The following MCF2L variants were observed in gnomAD, a reference collection of about 807,000 sequenced individuals.
The protein encoded by MCF2L is guanine nucleotide exchange factor DBS.
A neutral mutation model predicts 153.4 loss-of-function variants in MCF2L; 97 were observed. The ratio of observed to expected loss-of-function variants is 0.63; its 90% CI spans 0.54 to 0.75. MCF2L has a LOEUF of 0.75. Ranked by LOEUF, MCF2L falls within the 30% of genes least tolerant of loss-of-function variation. The pLI, the probability that MCF2L is intolerant of heterozygous loss-of-function variation, is 0.00. For missense variants in MCF2L, 1,347 were observed against 1,495.2 expected (o/e 0.90, Z 1.64); for synonymous variants, 659 against 632.2 (o/e 1.04, Z -0.64).
chr13:113,078,554 A>C, intron 14 of MCF2L, 112 bp from the exon 15 acceptor site: 1 of 1,381,024 alleles, frequency 7.2e-7, no homozygotes, highest in African/African-American at 1.4e-5. Context: ...CCAGCTCCCC[A>C]TCGTGGGAAT....
rs375416086 is a variant in MCF2L, at chr13:112,912,901, T to C, written c.169+10530T>C. Among the ~76,000 whole-genome samples the C allele has an allele frequency of 3.2e-3, 478 of 151,152 alleles. 1 individual carries two copies. Among genetic ancestry groups the C allele is most frequent in the South Asian group, 5.5e-3 (26 of 4,754 alleles). On this transcript the variant is annotated intron_variant, in intron 2 of 29. Transcript: ENST00000375608. Reference sequence around the variant, plus strand: ...TGTGTGATTGTGTGTGTGTCTGTGGTGTATCTCTGTGTATGTATGGGGTGT... The same window carrying C: ...TGTGTGATTGTGTGTGTGTCTGTGGCGTATCTCTGTGTATGTATGGGGTGT...
chr13:113,082,749 G>A (rs1490684549), intron 17 of MCF2L, among the ~76,000 whole-genome samples: 1 of 152,206 alleles, frequency 6.6e-6, no homozygotes, highest in African/African-American at 2.4e-5. Flanking sequence ...CTGGTGGCCT[G>A]TGTCTAGGCA....
intron 8 of MCF2L, 87 bp downstream of exon 8, chr13:113,066,257 G>T: frequency 6.9e-7 from 1 of 1,449,024 alleles, no homozygotes; most frequent in Admixed American, 2.3e-5. Flanking sequence ...AAAGAAACAG[G>T]CCACGGAAAT....
At position 112,943,733 on chromosome 13, in the gene MCF2L, C is replaced by T. The variant is rs1194525968; in HGVS notation, c.169+41362C>T. Among the ~76,000 whole-genome samples the T allele has an allele frequency of 2.0e-5, 3 of 151,998 alleles. No individual in the cohort carries two copies. Among genetic ancestry groups the T allele is most frequent in the Non-Finnish European group, 2.9e-5 (2 of 67,978 alleles). On this transcript the variant is annotated intron_variant, in intron 2 of 29. Transcript: ENST00000375608. The surrounding 1 kb of genome is among the most constrained non-coding windows in gnomAD (Gnocchi z 4.2). ...CACCGCCGGGAGCCCGAGCAGCCTG[C>T]GGTGGCTCGGCTCGGGCCGGCGGAG...
intron 1 of MCF2L, chr13:112,979,605 G>A (rs1032841768): frequency 1.2e-6 from 2 of 1,606,594 alleles, no homozygotes; most frequent in Admixed American, 1.7e-5. Context: ...GTCGCCTGTG[G>A]TCCCTGCGTG....
chr13:112,981,521 T>C (rs551011439), intron 1 of MCF2L, among the ~76,000 whole-genome samples: 17 of 152,288 alleles, frequency 1.1e-4, no homozygotes, highest in South Asian at 2.1e-4. Flanking sequence ...TGTAAGGAAG[T>C]GTGCACCGAG....
intron 1 of MCF2L, among the ~76,000 whole-genome samples, chr13:112,971,373 G>C (rs762725298): frequency 6.6e-6 from 1 of 152,200 alleles, no homozygotes; most frequent in African/African-American, 2.4e-5. Flanking sequence ...GCTAGGATCC[G>C]TGCCAGGTAA....
chr13:112,928,034 C>G (rs1031780623), intron 2 of MCF2L, among the ~76,000 whole-genome samples: 2 of 152,152 alleles, frequency 1.3e-5, no homozygotes, highest in Non-Finnish European at 2.9e-5. Flanking sequence ...ATATTTAATT[C>G]TGAATAATTA....
chr13:112,925,818 A>G (rs917825975), intron 2 of MCF2L, among the ~76,000 whole-genome samples: 6 of 152,336 alleles, frequency 3.9e-5, no homozygotes, highest in African/African-American at 1.2e-4. Flanking sequence ...AAAACCACAC[A>G]AGAAAGCATT....
At chr13:113,006,470 C>T (rs914970527) in intron 1 of MCF2L, among the ~76,000 whole-genome samples, 6 of 152,178 alleles carry the variant, frequency 3.9e-5, no homozygotes, top group African/African-American at 1.4e-4. Flanking sequence ...ATCTGAACCC[C>T]GAGGGGGTCT....
rs534099851 is a variant in MCF2L at position 113,090,180 on chromosome 13, C to A, written c.2953+452C>A. 9 of 1,519,422 alleles carry A rather than the reference C, an allele frequency of 5.9e-6. No individual in the cohort carries two copies. In the East Asian group the frequency reaches 2.1e-4, roughly 35 times the overall value. 94.1% of individuals were successfully genotyped at this position (1,519,422 alleles called of 1,614,324 possible). ...AGAAAGGTAAAAGTAGTGCCTGCCC[C>A]AAACCCACCCTCACCGTGGTGGCGT... On this transcript the variant is annotated intron_variant, in intron 26 of 29. Coordinates refer to ENST00000535094, the MANE Select transcript of MCF2L (RefSeq NM_001112732.3).
At position 113,091,412 on chromosome 13, in the gene MCF2L, C is replaced by A. The variant is rs191419204; in HGVS notation, c.2953+1684C>A. 2.8e-4 allele frequency among the ~76,000 whole-genome samples: 43 copies of A among 152,362 alleles called. No homozygotes were observed. The East Asian group carries it at 7.9e-3, about 28-fold the overall frequency. On this transcript the variant is annotated intron_variant, in intron 26 of 29. Transcript: ENST00000535094. ...AGCCAACTCCTCACAGCAGGTCTAT[C>A]TGGAGCCTGCGGAACTGCCCACCCC...
At chr13:113,020,338 C>T (rs971513490) in intron 2 of MCF2L, among the ~76,000 whole-genome samples, 3 of 152,244 alleles carry the variant, frequency 2.0e-5, no homozygotes, top group Non-Finnish European at 4.4e-5. Context: ...AAGCAGGACA[C>T]ACGTGTGAGT....
At chr13:112,942,050 C>T (rs765322468) in intron 2 of MCF2L, among the ~76,000 whole-genome samples, 9 of 152,176 alleles carry the variant, frequency 5.9e-5, no homozygotes, top group South Asian at 2.1e-4. Flanking sequence ...CTTAGCAGAC[C>T]GGGAAAGGGA....
At chr13:113,033,436 AGTGG>A in intron 3 of MCF2L, among the ~76,000 whole-genome samples, 1 of 143,748 alleles carries the variant, frequency 7.0e-6, no homozygotes, top group Non-Finnish European at 1.5e-5. Context: ...CCATGATGTG[AGTGG>A]CCCCCGTGAT....
chr13:112,970,184 A>G (rs2081990387), intron 1 of MCF2L, among the ~76,000 whole-genome samples: 1 of 152,170 alleles, frequency 6.6e-6, no homozygotes, highest in African/African-American at 2.4e-5. Flanking sequence ...AGAGGAAATA[A>G]TGATATATCA....
chr13:112,962,772 C>T (rs2993345), intron 2 of MCF2L, among the ~76,000 whole-genome samples: 100,169 of 152,132 alleles, frequency 0.66, 33,250 homozygotes, highest in Non-Finnish European at 0.71. Context: ...AGGAGCCCCC[C>T]GTGTGCACCG....
chr13:112,909,206 A>G (rs748631557), intron 2 of MCF2L: 2 of 779,424 alleles, frequency 2.6e-6, no homozygotes, highest in South Asian at 2.7e-5. Context: ...AGCCCCTGTA[A>G]CCAACCTCTC....
Position 113,031,126 on chromosome 13 carries a change from CAG to C in MCF2L, c.278+6374_278+6375del, listed in dbSNP as rs1177175145. Among the ~76,000 whole-genome samples the C allele has an allele frequency of 1.3e-5, 2 of 149,586 alleles. No individual in the cohort carries two copies. The highest frequency in any genetic ancestry group is 3.0e-5 in the Non-Finnish European group (2 of 67,540). ...AGAGAGAGACAGAGACAGAGAGTGA[CAG>C]AGAGACAGACAGAGACAGAGAGAGA... On this transcript the variant is annotated intron_variant, in intron 3 of 29. Transcript: ENST00000535094. This position sits in a 1 kb window ranked among gnomAD's most constrained non-coding sequence, Gnocchi z 5.5.
Sources: allele counts gnomAD v4.1 joint callset (sites outside exome capture counted in the v4.1 genomes callset), GRCh38; gene constraint gnomAD v4.1.1; non-coding constraint Gnocchi (gnomAD v3.1); transcripts MANE v1.5; gene names NCBI Gene and HGNC (gene_info 2026-07-23, HGNC 2026-07-21).